DAZL: variants seen among roughly 807,000 people sequenced by gnomAD.
DAZL encodes deleted in azoospermia-like.
Under a neutral mutation model 45.0 loss-of-function variants are expected in DAZL, and 4 were observed. That is an observed-to-expected ratio of 0.09 (90% CI 0.04 to 0.20). DAZL has a LOEUF of 0.20. DAZL is among the 10% of genes least tolerant of loss of function. DAZL has a pLI of 1.00. For missense variants in DAZL, 326 were observed against 351.3 expected, an observed-to-expected ratio of 0.93 and a Z score of 0.58; for synonymous variants, 122 against 112.4, an observed-to-expected ratio of 1.09 and a Z score of -0.54.
chr3:16,591,654 G>T (rs1158958921), intron 10 of DAZL, among the ~76,000 whole-genome samples: 1 of 151,966 alleles, frequency 6.6e-6, no homozygotes, highest in Non-Finnish European at 1.5e-5. Context: ...GGGTGGTCTC[G>T]AACTCCTGAG....
At chr3:16,598,389 CAG>C in intron 2 of DAZL, 61 bp downstream of exon 2, 2 of 1,589,520 alleles carry the variant, frequency 1.3e-6, no homozygotes, top group Non-Finnish European at 1.7e-6. Flanking sequence ...AAGTTTGTAA[CAG>C]GGCCCAAATC....
chr3:16,605,009 C>T (rs1174799762), intron 1 of DAZL, among the ~76,000 whole-genome samples, 194 bp downstream of exon 1: 1 of 152,250 alleles, frequency 6.6e-6, no homozygotes, highest in African/African-American at 2.4e-5. Context: ...CCCGCGCCTG[C>T]CTCTCTGTGT....
At chr3:16,604,579 T>C (rs977226967) in intron 1 of DAZL, 6 of 1,419,488 alleles carry the variant, frequency 4.2e-6, no homozygotes, top group Non-Finnish European at 5.5e-6. Flanking sequence ...TACAGGGCCA[T>C]GCCTTCAGGA....
Position 16,588,442 on chromosome 3 carries a change from A to G in DAZL, c.*218T>C, listed in dbSNP as rs1694471114. Reference sequence around the variant, plus strand: ...ATCTTAGTTTCTTTCAGTCTCAATTATTTTTTTACTTTCAACTATATTTCA... The same window carrying G: ...ATCTTAGTTTCTTTCAGTCTCAATTGTTTTTTTACTTTCAACTATATTTCA... On this transcript the variant is annotated 3_prime_UTR_variant, in exon 11 of 11. Coordinates refer to ENST00000399444, the MANE Select transcript of DAZL (RefSeq NM_001351.4). 1 of 388,378 alleles carries G rather than the reference A, an allele frequency of 2.6e-6. No individual in the cohort carries two copies. Among genetic ancestry groups the G allele is most frequent in the Non-Finnish European group, 4.8e-6 (1 of 207,508 alleles). 24.1% of individuals were successfully genotyped at this position (388,378 alleles called of 1,614,324 possible). A position where few individuals can be genotyped will look rare whatever the true frequency, so the allele number is the denominator to read the frequency against.
intron 1 of DAZL, among the ~76,000 whole-genome samples, chr3:16,604,048 C>T (rs3773834): frequency 0.73 from 111,154 of 152,170 alleles, 40,986 homozygotes; most frequent in African/African-American, 0.83. Context: ...TAATTACTTA[C>T]AACTCAAGGT....
rs767405873 is a variant in DAZL at position 16,593,608 on chromosome 3, T to C, written c.735+47A>G. On this transcript the variant is annotated intron_variant, in intron 9 of 10. Coordinates refer to ENST00000399444, the MANE Select transcript of DAZL (RefSeq NM_001351.4). ...CTTCTCAAAAAACCATTATTAAAAC[T>C]AGAAAAAATAAATATGAAATATATA... 6.6e-6 allele frequency: 8 copies of C among 1,207,220 alleles called. 1 individual carries two copies. The highest frequency in any genetic ancestry group is 8.2e-6 in the Non-Finnish European group (7 of 850,582). 74.8% of individuals were successfully genotyped at this position (1,207,220 alleles called of 1,614,324 possible).
rs187383966 is a variant in DAZL, at chr3:16,598,232, A to C, written c.151-54T>G. ...AAAAATTCAGCATTCAAAAATTTTAATTTTACTAAAAGAAGGTTCGATGAT... is the reference window on the plus strand; with the variant it reads ...AAAAATTCAGCATTCAAAAATTTTACTTTTACTAAAAGAAGGTTCGATGAT... On this transcript the variant is annotated intron_variant, in intron 2 of 10. Coordinates refer to ENST00000399444, the MANE Select transcript of DAZL (RefSeq NM_001351.4). The C allele has an allele frequency of 2.7e-6, 4 of 1,501,304 alleles. No individual in the cohort carries two copies. In the African/African-American group the frequency reaches 5.5e-5, roughly 21 times the overall value. 93.0% of individuals were successfully genotyped at this position (1,501,304 alleles called of 1,614,324 possible). A position where few individuals can be genotyped will look rare whatever the true frequency, so the allele number is the denominator to read the frequency against.
At chr3:16,605,007 T>C (rs1694756388) in intron 1 of DAZL, among the ~76,000 whole-genome samples, 196 bp downstream of exon 1, 2 of 152,238 alleles carry the variant, frequency 1.3e-5, no homozygotes. Context: ...GTCCCGCGCC[T>C]GCCTCTCTGT....
intron 2 of DAZL, 29 bp from the exon 3 acceptor site, chr3:16,598,207 A>T: frequency 3.2e-6 from 5 of 1,549,554 alleles, no homozygotes; most frequent in Non-Finnish European, 4.4e-6. Flanking sequence ...CTTCAAGAGT[A>T]AAAATTCAGC....
In DAZL at chr3:16,588,392, A is replaced by AT; in HGVS notation, c.*267dup. ...TTGCTTTTAAACACTTAAAATGCCAATTTTTAAAAAATCCTTGCAGATAAA... is the reference window on the plus strand; with the variant it reads ...TTGCTTTTAAACACTTAAAATGCCAATTTTTTAAAAAATCCTTGCAGATAAA... On this transcript the variant is annotated 3_prime_UTR_variant, in exon 11 of 11. Coordinates refer to ENST00000399444, the MANE Select transcript of DAZL (RefSeq NM_001351.4). The AT allele has an allele frequency of 5.3e-6, 2 of 374,970 alleles. No individual in the cohort carries two copies. Among genetic ancestry groups the AT allele is most frequent in the South Asian group, 5.9e-5 (2 of 33,658 alleles). The allele number at this position is 374,970 out of a possible 1,614,324, so 23.2% of individuals were successfully genotyped here.
At chr3:16,593,625 A>T in intron 9 of DAZL, 30 bp downstream of exon 9, 1 of 1,318,348 alleles carries the variant, frequency 7.6e-7, no homozygotes, top group East Asian at 2.5e-5. Flanking sequence ...AATAAATATG[A>T]AATATATATA....
At chr3:16,594,382 A>G in intron 8 of DAZL, 151 bp downstream of exon 8, 1 of 627,332 alleles carries the variant, frequency 1.6e-6, no homozygotes, top group Non-Finnish European at 2.6e-6. Context: ...TAACTGGGTT[A>G]AAAAGAAAGT....
At position 16,588,508 on chromosome 3, in the gene DAZL, G is replaced by T; in HGVS notation, c.*152C>A. 1.5e-6 allele frequency: 1 copy of T among 689,410 alleles called. No homozygotes were observed. Among genetic ancestry groups the T allele is most frequent in the Non-Finnish European group, 2.7e-6 (1 of 372,266 alleles). 42.7% of individuals were successfully genotyped at this position (689,410 alleles called of 1,614,324 possible). On this transcript the variant is annotated 3_prime_UTR_variant, in exon 11 of 11. Transcript: ENST00000399444. ...CTAAATAAACATCTAATGAAGAACAGTTTAAGATAAAACTAGAGAGTCTAA... is the reference window on the plus strand; with the variant it reads ...CTAAATAAACATCTAATGAAGAACATTTTAAGATAAAACTAGAGAGTCTAA...
chr3:16,593,581 T>C, intron 9 of DAZL, 74 bp downstream of exon 9: 1 of 967,376 alleles, frequency 1.0e-6, no homozygotes, highest in Non-Finnish European at 1.6e-6. Context: ...GAAGGATGAT[T>C]GCTTCTCAAA....
chr3:16,588,311 C>G lies in DAZL; in HGVS notation c.*349G>C, dbSNP rs17042443. ...AGTGAAATGTTTGTATTCAGACCAA[C>G]AAAATTCTGACCTTTCAAAATAGGT... On this transcript the variant is annotated 3_prime_UTR_variant, in exon 11 of 11. Transcript: ENST00000399444. 1,249 of 306,922 alleles carry G rather than the reference C, an allele frequency of 4.1e-3. 18 individuals are homozygous for G. Among genetic ancestry groups the G allele is most frequent in the African/African-American group, 0.026 (1,181 of 46,154 alleles). The allele number at this position is 306,922 out of a possible 1,614,324, so 19.0% of individuals were successfully genotyped here.
In DAZL at chr3:16,587,812, A is replaced by C. The variant is rs901584190; in HGVS notation, c.*848T>G. 2.2e-5 allele frequency: 3 copies of C among 138,902 alleles called. No homozygotes were observed. Among genetic ancestry groups the C allele is most frequent in the African/African-American group, 7.5e-5 (3 of 40,194 alleles). 8.6% of individuals were successfully genotyped at this position (138,902 alleles called of 1,614,324 possible). On this transcript the variant is annotated 3_prime_UTR_variant, in exon 11 of 11. Transcript: ENST00000399444. Reference sequence around the variant, plus strand: ...CTTCAGATACTCTGATTAACCTCTAAGAGACATAAAAAAGTTGCAGCATTC... The same window carrying C: ...CTTCAGATACTCTGATTAACCTCTACGAGACATAAAAAAGTTGCAGCATTC...
At chr3:16,597,999 A>T in intron 3 of DAZL, 88 bp downstream of exon 3, 2 of 1,274,996 alleles carry the variant, frequency 1.6e-6, no homozygotes, top group Non-Finnish European at 1.1e-6. Flanking sequence ...CAACAAATTT[A>T]TGTTAAGTGT....
chr3:16,598,140 A>G lies in DAZL; in HGVS notation c.189T>C (p.Tyr63=), dbSNP rs779422099. ...TTATCTTCACTTCTTTCACTGAACC[A>G]TATCTAGCAAAGAAGCTTCTAATCT... The part of the protein sequence containing the change: ...ETEIRSFFAR[Y]GSVKEVKIIT... Residue 63 remains tyrosine, a synonymous_variant, in exon 3 of 11, where the codon TAT becomes TAC. Coordinates refer to ENST00000399444, the MANE Select transcript of DAZL (RefSeq NM_001351.4). 9.4e-6 allele frequency: 15 copies of G among 1,600,870 alleles called. No individual in the cohort carries two copies. Among genetic ancestry groups the G allele is most frequent in the Admixed American group, 1.7e-5 (1 of 59,652 alleles).
rs1575417898 is a variant in DAZL at position 16,596,901 on chromosome 3, G to A, written c.359-12C>T. The A allele has an allele frequency of 6.2e-7, 1 of 1,613,508 alleles. No individual in the cohort carries two copies. The highest frequency in any genetic ancestry group is 8.5e-7 in the Non-Finnish European group (1 of 1,179,612). ...CACATGATAAGCACCTTTTTGAAAA[G>A]CAAAAAGAAAAGGCCTATTTTTAGT... On this transcript the variant is annotated splice_polypyrimidine_tract_variant and intron_variant, in intron 5 of 10. Coordinates refer to ENST00000399444, the MANE Select transcript of DAZL (RefSeq NM_001351.4).
Sources: allele counts gnomAD v4.1 joint callset (sites outside exome capture counted in the v4.1 genomes callset), GRCh38; gene constraint gnomAD v4.1.1; transcripts MANE v1.5; gene names NCBI Gene and HGNC (gene_info 2026-07-23, HGNC 2026-07-21).